ZFR: variants seen among roughly 807,000 people sequenced by gnomAD.
ZFR encodes zinc finger RNA binding protein.
Under a neutral mutation model 130.7 loss-of-function variants are expected in ZFR, and 19 were observed. The observed-to-expected ratio is 0.15, with a 90% CI of 0.10 to 0.21. The LOEUF is 0.21. Among genes scored for constraint, ZFR ranks in the 10% least tolerant of loss-of-function variants. ZFR has a pLI of 1.00. For synonymous variants in ZFR, 466 were observed against 456.9 expected (o/e 1.02, Z -0.25); for missense variants, 872 against 1,321.5 (o/e 0.66, Z 5.27).
At chr5:32,421,118 T>C (rs1287175792) in intron 2 of ZFR, among the ~76,000 whole-genome samples, 3 of 152,188 alleles carry the variant, frequency 2.0e-5, no homozygotes, top group East Asian at 3.8e-4. Flanking sequence ...ACCAAAGGCC[T>C]ACAGATGTTA....
chr5:32,415,216 T>G lies in ZFR; in HGVS notation c.566-29A>C, dbSNP rs2963983. ...AAGTAGGAAAGAGACATCAGAAAAT[T>G]AGAAGAGTAAGCCACTATAGTTACT... is the stretch of plus-strand genomic sequence containing the variant. On this transcript the variant is annotated intron_variant, in intron 4 of 19. Coordinates refer to ENST00000265069, the MANE Select transcript of ZFR (RefSeq NM_016107.5). The G allele has an allele frequency of 2.7e-3, 4,394 of 1,598,684 alleles. 103 individuals are homozygous for G. The African/African-American group carries it at 0.052, about 19-fold the overall frequency.
chr5:32,381,939 A>G (rs771079835), intron 15 of ZFR, among the ~76,000 whole-genome samples: 1 of 152,212 alleles, frequency 6.6e-6, no homozygotes, highest in Non-Finnish European at 1.5e-5. Context: ...TGAACATAAG[A>G]AATGAACTAT....
rs969322748 is a variant in ZFR, at chr5:32,413,200, AC to A, written c.784+1768del. On this transcript the variant is annotated intron_variant, in intron 5 of 19. Coordinates refer to ENST00000265069, the MANE Select transcript of ZFR (RefSeq NM_016107.5). Reference sequence around the variant, plus strand: ...TGAGACTCTTTTAATCTCAAAAAAAACAAAACAAAACAAAACAAAAAACAAA... The same window carrying A: ...TGAGACTCTTTTAATCTCAAAAAAAAAAAACAAAACAAAACAAAAAACAAA... Among the ~76,000 whole-genome samples, 22 of 151,166 alleles carry A rather than the reference AC, an allele frequency of 1.5e-4. 1 individual carries two copies. In the South Asian group the frequency reaches 4.2e-3, roughly 29 times the overall value.
At chr5:32,365,376 A>AT (rs1232982855) in intron 17 of ZFR, among the ~76,000 whole-genome samples, 11 of 152,148 alleles carry the variant, frequency 7.2e-5, no homozygotes, top group Admixed American at 6.5e-5. Flanking sequence ...ATCTCTTTAC[A>AT]TTTTAAGAGA....
chr5:32,365,732 G>A (rs1436298822), intron 17 of ZFR, among the ~76,000 whole-genome samples: 8 of 151,176 alleles, frequency 5.3e-5, no homozygotes, highest in Non-Finnish European at 8.9e-5. Flanking sequence ...TGGTCGTGCC[G>A]CTGTACGACT....
chr5:32,405,855 T>C (rs947746317), intron 6 of ZFR, among the ~76,000 whole-genome samples: 7 of 152,238 alleles, frequency 4.6e-5, no homozygotes. Context: ...ATTAAAATGT[T>C]CTGTAATTTG....
chr5:32,430,127 A>G (rs1228724916), intron 2 of ZFR, among the ~76,000 whole-genome samples: 1 of 151,658 alleles, frequency 6.6e-6, no homozygotes, highest in East Asian at 1.9e-4. Flanking sequence ...AGGGAAATAC[A>G]CTAATATAAG....
chr5:32,441,613 T>C (rs545787733), intron 2 of ZFR, among the ~76,000 whole-genome samples: 1 of 152,182 alleles, frequency 6.6e-6, no homozygotes, highest in African/African-American at 2.4e-5. Context: ...ATTAGTAAAG[T>C]AGACCTTGGT....
intron 17 of ZFR, among the ~76,000 whole-genome samples, chr5:32,375,219 A>G (rs1038629598): frequency 3.9e-5 from 6 of 152,348 alleles, no homozygotes; most frequent in Middle Eastern, 3.4e-3. Context: ...ATTCATGTTA[A>G]TAAGACTTAA....
At chr5:32,443,702 G>T (rs1047671767) in intron 2 of ZFR, among the ~76,000 whole-genome samples, 1 of 152,272 alleles carries the variant, frequency 6.6e-6, no homozygotes, top group African/African-American at 2.4e-5. Flanking sequence ...AAAGGTACCC[G>T]AGACAACGAC....
At chr5:32,441,187 G>A (rs750777951) in intron 2 of ZFR, among the ~76,000 whole-genome samples, 2 of 152,176 alleles carry the variant, frequency 1.3e-5, no homozygotes, top group Non-Finnish European at 2.9e-5. Context: ...ATGTTGGTCA[G>A]GCTGATCTCA....
Position 32,397,849 on chromosome 5 carries a change from C to CTTTTTTTT in ZFR, c.1714-519_1714-512dup, listed in dbSNP as rs70961626. ...TGATAGCATGTGTTTGCTCTTGTAT[C>CTTTTTTTT]TTTTTTTTTTTTTTTTTTTTTTTTT... On this transcript the variant is annotated intron_variant, in intron 9 of 19. Transcript: ENST00000265069. Among the ~76,000 whole-genome samples the CTTTTTTTT allele has an allele frequency of 1.3e-3, 85 of 66,878 alleles. 17 individuals are homozygous for CTTTTTTTT. Among genetic ancestry groups the CTTTTTTTT allele is most frequent in the African/African-American group, 3.9e-3 (62 of 15,910 alleles). 43.9% of individuals were successfully genotyped at this position (66,878 alleles called of 152,430 possible). A position where few individuals can be genotyped will look rare whatever the true frequency, so the allele number is the denominator to read the frequency against.
At chr5:32,369,029 C>T (rs759732782) in intron 17 of ZFR, among the ~76,000 whole-genome samples, 1 of 152,170 alleles carries the variant, frequency 6.6e-6, no homozygotes, top group Non-Finnish European at 1.5e-5. Flanking sequence ...TATTTACTCA[C>T]AGCACTTTAT....
intron 4 of ZFR, among the ~76,000 whole-genome samples, chr5:32,415,515 T>TGCGCGCGCGCGC (rs70961629): frequency 1.0e-5 from 1 of 97,936 alleles, no homozygotes; most frequent in Non-Finnish European, 2.0e-5. Context: ...TGTGTGTGTG[T>TGCGCGCGCGCGC]GCGCGCGCGC....
At position 32,444,414 on chromosome 5, in the gene ZFR, G is replaced by A. The variant is rs1045753026; in HGVS notation, c.38-86C>T. On this transcript the variant is annotated intron_variant, in intron 1 of 19. Transcript: ENST00000265069. ...CGCCGAGGGAGGGCAGGGAGAGAAAGAGAGAGGCGCCGTGAGAGCAGCCCT... is the reference window on the plus strand; with the variant it reads ...CGCCGAGGGAGGGCAGGGAGAGAAAAAGAGAGGCGCCGTGAGAGCAGCCCT... 4.2e-5 allele frequency: 61 copies of A among 1,449,340 alleles called. 1 individual carries two copies. In the Admixed American group the frequency reaches 1.3e-3, roughly 30 times the overall value. 89.8% of individuals were successfully genotyped at this position (1,449,340 alleles called of 1,614,324 possible).
chr5:32,437,554 G>A (rs1754367306), intron 2 of ZFR, among the ~76,000 whole-genome samples: 1 of 152,100 alleles, frequency 6.6e-6, no homozygotes, highest in Non-Finnish European at 1.5e-5. Context: ...TGGTGTCATG[G>A]ACAATTAATA....
chr5:32,380,599 C>T (rs1420449499), intron 15 of ZFR, among the ~76,000 whole-genome samples: 1 of 147,960 alleles, frequency 6.8e-6, no homozygotes, highest in Non-Finnish European at 1.5e-5. Context: ...ATAGAATGCT[C>T]AATATAGTTA....
intron 2 of ZFR, among the ~76,000 whole-genome samples, chr5:32,424,488 G>A (rs940361731): frequency 3.3e-5 from 5 of 150,446 alleles, no homozygotes; most frequent in African/African-American, 4.9e-5. Flanking sequence ...CCGAGATCGC[G>A]CGCCACTGCA....
At chr5:32,412,122 G>A (rs769404067) in intron 5 of ZFR, among the ~76,000 whole-genome samples, 2 of 152,190 alleles carry the variant, frequency 1.3e-5, no homozygotes, top group South Asian at 2.1e-4. Flanking sequence ...AGACAGTTGA[G>A]CAACAGGCCC....
Sources: allele counts gnomAD v4.1 joint callset (sites outside exome capture counted in the v4.1 genomes callset), GRCh38; gene constraint gnomAD v4.1.1; transcripts MANE v1.5; gene names NCBI Gene and HGNC (gene_info 2026-07-23, HGNC 2026-07-21).